CENPU: variants seen among roughly 807,000 people sequenced by gnomAD.
CENPU encodes the protein KSHV latent nuclear antigen interacting protein 1.
A neutral mutation model predicts 56.7 loss-of-function variants in CENPU; 46 were observed. The observed-to-expected ratio is 0.81, with a 90% CI of 0.64 to 1.04. The LOEUF (loss-of-function observed/expected upper bound fraction) is 1.04, where lower values mean the gene tolerates loss of function less well. Ranked by LOEUF, CENPU falls within the 50% of genes least tolerant of loss-of-function variation. CENPU has a pLI of 0.00. For synonymous variants in CENPU, 166 were observed against 163.0 expected (o/e 1.02, Z -0.14); for missense variants, 510 against 490.1 (o/e 1.04, Z -0.38).
At position 184,707,052 on chromosome 4, in the gene CENPU, G is replaced by T. The variant is rs575436501; in HGVS notation, c.797+3020C>A. On this transcript the variant is annotated intron_variant, in intron 8 of 12. Coordinates refer to ENST00000281453, the MANE Select transcript of CENPU (RefSeq NM_024629.4). ...ACACAAGCAAGATGGTCTTGGGTGT[G>T]TTAACAGAACTGTCCTAGTTTTAAC... Among the ~76,000 whole-genome samples, 46 of 151,422 alleles carry T rather than the reference G, an allele frequency of 3.0e-4. 4 individuals carry two copies. Among genetic ancestry groups the T allele is most frequent in the African/African-American group, 1.0e-3 (42 of 40,710 alleles).
rs1038870718 is a variant in CENPU at position 184,730,853 on chromosome 4, G to A, written c.96+67C>T. The A allele has an allele frequency of 9.4e-5, 118 of 1,252,098 alleles. 3 individuals carry two copies. The highest frequency in any genetic ancestry group is 9.5e-5 in the Non-Finnish European group (85 of 898,752). 77.6% of individuals were successfully genotyped at this position (1,252,098 alleles called of 1,614,324 possible). ...TGCCAAGTGAAGTCTACAAAACTGA[G>A]GTACCCAAAAAATGTTATTTTGTAC... On this transcript the variant is annotated intron_variant, in intron 2 of 12. Transcript: ENST00000281453.
At chr4:184,731,050 C>A in intron 1 of CENPU, 82 bp from the exon 2 acceptor site, 4 of 851,576 alleles carry the variant, frequency 4.7e-6, no homozygotes, top group Admixed American at 5.3e-5. Context: ...CCTTTCCGCG[C>A]ATTTTTACCA....
chr4:184,717,441 G>A (rs1761131214), intron 4 of CENPU, among the ~76,000 whole-genome samples: 1 of 152,202 alleles, frequency 6.6e-6, no homozygotes, highest in Non-Finnish European at 1.5e-5. Flanking sequence ...CTGTGGTGAT[G>A]TCTGAGAACT....
At chr4:184,715,678 A>C (rs7691213) in intron 6 of CENPU, among the ~76,000 whole-genome samples, 6,529 of 152,270 alleles carry the variant, frequency 0.043, 462 homozygotes, top group African/African-American at 0.15. Flanking sequence ...ACAAATATTT[A>C]GCTACAACAA....
chr4:184,713,101 A>G, intron 6 of CENPU, 88 bp from the exon 7 acceptor site: 2 of 881,912 alleles, frequency 2.3e-6, no homozygotes, highest in Non-Finnish European at 3.5e-6. Context: ...ACTGTCATTC[A>G]ATATTTTAGC....
In CENPU at chr4:184,709,646, T is replaced by C. The variant is rs570084907; in HGVS notation, c.797+426A>G. Among the ~76,000 whole-genome samples the C allele has an allele frequency of 1.9e-4, 29 of 152,306 alleles. No individual in the cohort carries two copies. The East Asian group carries it at 4.8e-3, about 25-fold the overall frequency. The stretch of plus-strand genomic sequence containing the variant: ...AGAGCAATTTTAAACATGATTTTCC[T>C]AATAGTCTCTAAATATATACAGCAC... On this transcript the variant is annotated intron_variant, in intron 8 of 12. Transcript: ENST00000281453.
At chr4:184,712,119 CA>C (rs10650384) in intron 7 of CENPU, among the ~76,000 whole-genome samples, 2,196 of 80,670 alleles carry the variant, frequency 0.027, 39 homozygotes, top group African/African-American at 0.079. Flanking sequence ...GACTCAGTCT[CA>C]AAAAAAAAAA....
rs777473618 is a variant in CENPU at position 184,697,622 on chromosome 4, T to C, written c.1143+25A>G. ...CCTCCCACAATCATCTTCTGAAGCA[T>C]GGTAAAAAGTAAAATTGGAGTTACC... On this transcript the variant is annotated intron_variant, in intron 12 of 12. Coordinates refer to ENST00000281453, the MANE Select transcript of CENPU (RefSeq NM_024629.4). 8.7e-6 allele frequency: 14 copies of C among 1,609,378 alleles called. No individual in the cohort carries two copies. In the East Asian group the frequency reaches 1.6e-4, roughly 18 times the overall value.
intron 4 of CENPU, among the ~76,000 whole-genome samples, chr4:184,720,549 A>G (rs1236053679): frequency 1.3e-5 from 2 of 152,178 alleles, no homozygotes; most frequent in East Asian, 3.9e-4. Context: ...ACCAACACCA[A>G]GCAGCTTTAA....
rs2150193585 is a variant in CENPU, at chr4:184,694,671, T to C, written c.*617A>G. ...TTGATGATGCTTATTTTTTAGAAGC[T>C]ACTGAAGATGCTGAATTAGCTGAAG... On this transcript the variant is annotated 3_prime_UTR_variant, in exon 13 of 13. Coordinates refer to ENST00000281453, the MANE Select transcript of CENPU (RefSeq NM_024629.4). 1 of 1,614,162 alleles carries C rather than the reference T, an allele frequency of 6.2e-7. No individual in the cohort carries two copies. Among genetic ancestry groups the C allele is most frequent in the Non-Finnish European group, 8.5e-7 (1 of 1,179,994 alleles).
intron 12 of CENPU, among the ~76,000 whole-genome samples, chr4:184,696,727 A>G (rs759861923): frequency 1.5e-4 from 23 of 151,482 alleles, no homozygotes; most frequent in Non-Finnish European, 2.9e-4. Context: ...GGGCATACAA[A>G]TACAAATTTC....
intron 7 of CENPU, among the ~76,000 whole-genome samples, chr4:184,710,845 A>T (rs137985949): frequency 1.2e-4 from 18 of 152,198 alleles, no homozygotes; most frequent in African/African-American, 3.9e-4. Context: ...AGCATACCCT[A>T]ATTTTTTTTC....
intron 10 of CENPU, 38 bp from the exon 11 acceptor site, chr4:184,700,919 A>C (rs773785576): frequency 3.9e-6 from 6 of 1,553,142 alleles, no homozygotes; most frequent in Non-Finnish European, 5.3e-6. Flanking sequence ...ATTAATTTGT[A>C]ACTGTTTGAG....
intron 12 of CENPU, among the ~76,000 whole-genome samples, chr4:184,696,835 A>T (rs1258678448): frequency 6.6e-6 from 1 of 152,006 alleles, no homozygotes; most frequent in Non-Finnish European, 1.5e-5. Context: ...AAATGTATTA[A>T]AACAATAAAC....
intron 4 of CENPU, among the ~76,000 whole-genome samples, chr4:184,717,734 A>G (rs1023511954): frequency 2.6e-5 from 4 of 152,222 alleles, no homozygotes; most frequent in African/African-American, 9.6e-5. Flanking sequence ...GTCTAGTGGG[A>G]AGGCCAAAGA....
At chr4:184,715,924 T>C (rs918870335) in intron 6 of CENPU, among the ~76,000 whole-genome samples, 3 of 143,606 alleles carry the variant, frequency 2.1e-5, no homozygotes, top group South Asian at 2.2e-4. Context: ...CCATACCTTC[T>C]AGCTTTTTTT....
At chr4:184,728,321 C>A (rs1761526100) in intron 3 of CENPU, among the ~76,000 whole-genome samples, 1 of 152,104 alleles carries the variant, frequency 6.6e-6, no homozygotes, top group Non-Finnish European at 1.5e-5. Flanking sequence ...CTTCAAAATT[C>A]TCTTAAAACT....
At chr4:184,705,113 A>G (rs1561130889) in intron 8 of CENPU, among the ~76,000 whole-genome samples, 1 of 152,360 alleles carries the variant, frequency 6.6e-6, no homozygotes, top group East Asian at 1.9e-4. Context: ...CAAACAAAAA[A>G]AAATGTATCC....
intron 11 of CENPU, chr4:184,699,441 GGA>G: frequency 1.8e-6 from 1 of 556,072 alleles, no homozygotes; most frequent in Non-Finnish European, 3.0e-6. Context: ...TTATCTCATA[GGA>G]CTGTGATGAT....
Sources: gnomAD v4.1 joint callset for allele counts (sites outside exome capture counted in the v4.1 genomes callset) on GRCh38, gnomAD v4.1.1 for gene constraint, MANE v1.5 for transcripts, NCBI Gene and HGNC (gene_info 2026-07-23, HGNC 2026-07-21) for gene names.